AFF1: variants seen among roughly 807,000 people sequenced by gnomAD.
AFF1 encodes the protein ALF transcription elongation factor 1, also known as AF4/FMR2 family member 1.
A neutral mutation model predicts 121.7 loss-of-function variants in AFF1; 48 were observed. That is an observed-to-expected ratio of 0.39 (90% confidence interval 0.31 to 0.50). AFF1 has a LOEUF of 0.50. Among genes scored for constraint, AFF1 ranks in the 20% least tolerant of loss-of-function variants. The pLI, the probability that AFF1 is intolerant of heterozygous loss-of-function variation, is 0.76. For missense variants in AFF1, 1,523 were observed against 1,511.7 expected (o/e 1.01, Z -0.12); for synonymous variants, 613 against 563.0 (o/e 1.09, Z -1.26).
At chr4:87,125,234 A>C (rs1728118526) in intron 13 of AFF1, 91 bp downstream of exon 13, 2 of 850,698 alleles carry the variant, frequency 2.4e-6, no homozygotes, top group South Asian at 5.2e-5. Context: ...CTGCACTAGA[A>C]TCAGTGGATT....
intron 5 of AFF1, among the ~76,000 whole-genome samples, chr4:87,088,564 C>T (rs1451230614): frequency 6.6e-6 from 1 of 152,032 alleles, no homozygotes; most frequent in East Asian, 1.9e-4. Context: ...AGTAATATAG[C>T]ATGCTGTGGG....
At chr4:86,989,872 T>C (rs760362558) in intron 2 of AFF1, among the ~76,000 whole-genome samples, 16 of 152,194 alleles carry the variant, frequency 1.1e-4, no homozygotes, top group Non-Finnish European at 2.1e-4. Flanking sequence ...TCATGTCCTT[T>C]GCAGGGAAAT....
At chr4:87,072,240 G>C (rs1722145460) in intron 4 of AFF1, among the ~76,000 whole-genome samples, 1 of 151,776 alleles carries the variant, frequency 6.6e-6, no homozygotes, top group South Asian at 2.1e-4. Flanking sequence ...GCGGGCGCCT[G>C]TAGTCCCAGC....
intron 2 of AFF1, among the ~76,000 whole-genome samples, chr4:87,022,711 T>G (rs191368752): frequency 8.7e-4 from 126 of 144,848 alleles, no homozygotes; most frequent in Non-Finnish European, 1.4e-3. Flanking sequence ...TATATATATA[T>G]CTGTGTGTAT....
At chr4:87,050,149 A>G (rs1479076929) in intron 4 of AFF1, among the ~76,000 whole-genome samples, 1 of 152,188 alleles carries the variant, frequency 6.6e-6, no homozygotes, top group Non-Finnish European at 1.5e-5. Context: ...AACTTTGAAT[A>G]TAGGTGAGAA....
chr4:87,036,050 A>G (rs1439237580), intron 2 of AFF1, among the ~76,000 whole-genome samples: 1 of 152,174 alleles, frequency 6.6e-6, no homozygotes, highest in Admixed American at 6.5e-5. Context: ...GAGCAGGAGA[A>G]GAGCCAACAC....
intron 8 of AFF1, among the ~76,000 whole-genome samples, chr4:87,102,764 C>T (rs342457): frequency 0.18 from 27,645 of 152,184 alleles, 2,727 homozygotes; most frequent in Middle Eastern, 0.31. Context: ...TTTCTGTTCT[C>T]TTGACCTAGG....
chr4:87,113,217 C>T (rs1726734644), intron 11 of AFF1, among the ~76,000 whole-genome samples: 1 of 152,164 alleles, frequency 6.6e-6, no homozygotes, highest in Non-Finnish European at 1.5e-5. Context: ...GACGGTATGC[C>T]TCCCTTTGTA....
In AFF1 at chr4:87,131,217, T is replaced by G; in HGVS notation, c.3099T>G (p.Ile1033Met). The G allele has an allele frequency of 6.2e-7, 1 of 1,614,042 alleles. No homozygotes were observed. Among genetic ancestry groups the G allele is most frequent in the South Asian group, 1.1e-5 (1 of 91,044 alleles). Residue 1033 changes from isoleucine (I) to methionine (M), a missense_variant and splice_region_variant, in exon 17 of 21, where the codon ATT becomes ATG. Coordinates refer to ENST00000395146, the MANE Select transcript of AFF1 (RefSeq NM_001166693.3). The stretch of plus-strand genomic sequence containing the variant: ...TCTACTCAGAAACTGTAGATCTCAT[T>G]AAGTAAGTGCCGAGTCATTGTGCTT... The part of the protein sequence containing the change: ...YSVYSETVDL[I>M]KFIMSLKSFS...
At chr4:87,119,006 G>A (rs1238155625) in intron 12 of AFF1, among the ~76,000 whole-genome samples, 1 of 146,850 alleles carries the variant, frequency 6.8e-6, no homozygotes, top group Non-Finnish European at 1.5e-5. Context: ...TGGTTGTAGG[G>A]GGGACCAATC....
chr4:87,120,309 G>C (rs889388641), intron 12 of AFF1, among the ~76,000 whole-genome samples: 2 of 152,212 alleles, frequency 1.3e-5, no homozygotes, highest in Non-Finnish European at 2.9e-5. Flanking sequence ...GGAAGTCCCT[G>C]AATTTCCCCA....
chr4:87,033,797 GT>G (rs767595544), intron 2 of AFF1, among the ~76,000 whole-genome samples: 9 of 150,846 alleles, frequency 6.0e-5, no homozygotes, highest in African/African-American at 1.7e-4. Context: ...ATAACTGCCT[GT>G]TTTTTTTTAA....
intron 2 of AFF1, among the ~76,000 whole-genome samples, chr4:86,951,615 CTTTTTTTCTTTTTTT>C (rs1202436439): frequency 4.0e-5 from 5 of 124,944 alleles, no homozygotes; most frequent in Admixed American, 2.6e-4. Context: ...TTTCTTTTTT[CTTTTTTTCTTTTTTT>C]TTTTTTTTTT....
intron 4 of AFF1, 136 bp downstream of exon 4, chr4:87,047,730 T>C: frequency 8.5e-7 from 1 of 1,173,624 alleles, no homozygotes; most frequent in East Asian, 2.3e-5. Context: ...GGCTTTAGGA[T>C]CTTGTTAATA....
At chr4:87,007,498 G>A in intron 2 of AFF1, 1 of 1,596,196 alleles carries the variant, frequency 6.3e-7, no homozygotes, top group Admixed American at 1.7e-5. Context: ...GGGAGGGCAG[G>A]GTGCGGGGAA....
Position 87,047,260 on chromosome 4 carries a change from A to G in AFF1, c.725A>G (p.Asn242Ser). 8 of 1,614,188 alleles carry G rather than the reference A, an allele frequency of 5.0e-6. No individual in the cohort carries two copies. The highest frequency in any genetic ancestry group is 2.2e-5 in the East Asian group (1 of 44,884). The stretch of plus-strand genomic sequence containing the variant: ...AGCAGCAAGGTTCATGGCAGCAGCA[A>G]TAACAGTAAAGGCTATTGCCCAGCC... The part of the protein sequence containing the change: ...QGSSKVHGSS[N>S]NSKGYCPAKS... The change falls in exon 4 of 21, where the codon AAT becomes AGT. Residue 242 changes from asparagine to serine, a missense_variant. Transcript: ENST00000395146.
intron 4 of AFF1, among the ~76,000 whole-genome samples, chr4:87,054,820 CAG>C (rs1454266752): frequency 6.6e-6 from 1 of 152,134 alleles, no homozygotes; most frequent in Non-Finnish European, 1.5e-5. Context: ...AGCTGTAAAC[CAG>C]CAGCCTGAGG....
intron 5 of AFF1, among the ~76,000 whole-genome samples, chr4:87,089,771 C>T (rs1448960220): frequency 1.3e-5 from 2 of 152,200 alleles, no homozygotes; most frequent in Non-Finnish European, 2.9e-5. Context: ...CTTCTACAAA[C>T]TGGCGTTTTT....
chr4:86,957,502 T>G (rs1479315380), intron 2 of AFF1, among the ~76,000 whole-genome samples: 1 of 152,176 alleles, frequency 6.6e-6, no homozygotes, highest in Non-Finnish European at 1.5e-5. Flanking sequence ...AATCAGACTG[T>G]GGGGAATGCT....
Sources: gnomAD v4.1 joint callset for allele counts (sites outside exome capture counted in the v4.1 genomes callset) on GRCh38, gnomAD v4.1.1 for gene constraint, MANE v1.5 for transcripts, NCBI Gene and HGNC (gene_info 2026-07-23, HGNC 2026-07-21) for gene names.